The following ARHGAP15 variants were observed in gnomAD, a reference collection of about 807,000 sequenced individuals.
The protein encoded by ARHGAP15 is rho GTPase-activating protein 15.
Under a neutral mutation model 63.7 loss-of-function variants are expected in ARHGAP15, and 51 were observed. The ratio of observed to expected loss-of-function variants is 0.80; its 90% CI spans 0.64 to 1.01. The LOEUF (loss-of-function observed/expected upper bound fraction) is 1.01. ARHGAP15 is among the 50% of genes least tolerant of loss of function. The probability of loss-of-function intolerance (pLI) is 0.00; values close to 1 mark genes in which losing one functional copy is unlikely to be tolerated. For synonymous variants in ARHGAP15, 191 were observed against 193.8 expected, an observed-to-expected ratio of 0.99 and a Z score of 0.12; for missense variants, 560 against 564.6, an observed-to-expected ratio of 0.99 and a Z score of 0.08.
At chr2:143,245,835 G>A (rs757270649) in intron 5 of ARHGAP15, among the ~76,000 whole-genome samples, 1 of 152,158 alleles carries the variant, frequency 6.6e-6, no homozygotes, top group Non-Finnish European at 1.5e-5. Context: ...TGCCTTGTGA[G>A]TCCTTTTTGT....
At chr2:143,484,365 C>A (rs200609119) in intron 8 of ARHGAP15, among the ~76,000 whole-genome samples, 49 of 125,420 alleles carry the variant, frequency 3.9e-4, no homozygotes, top group South Asian at 5.4e-4. Flanking sequence ...GACTCCATCT[C>A]AAAAAAAAAA....
At chr2:143,197,682 A>G (rs1325057080) in intron 2 of ARHGAP15, among the ~76,000 whole-genome samples, 2 of 152,060 alleles carry the variant, frequency 1.3e-5, no homozygotes, top group African/African-American at 4.8e-5. Context: ...ACTGAGAACA[A>G]CATTAAAGCA....
chr2:143,466,949 CT>C (rs1317031807), intron 8 of ARHGAP15, among the ~76,000 whole-genome samples: 2 of 152,002 alleles, frequency 1.3e-5, no homozygotes, highest in African/African-American at 4.8e-5. Context: ...TATGGTTTTC[CT>C]TTTACTCTAA....
At chr2:143,416,592 T>G (rs1688688939) in intron 6 of ARHGAP15, among the ~76,000 whole-genome samples, 1 of 152,218 alleles carries the variant, frequency 6.6e-6, no homozygotes, top group South Asian at 2.1e-4. Flanking sequence ...GGTATCAAGC[T>G]GCTCCCACTG....
chr2:143,369,050 G>A (rs761923294), intron 6 of ARHGAP15, among the ~76,000 whole-genome samples: 1 of 151,976 alleles, frequency 6.6e-6, no homozygotes, highest in Non-Finnish European at 1.5e-5. Context: ...GTGCAGCAAG[G>A]GAGCCCAAAA....
At chr2:143,425,078 T>G (rs1191717027) in intron 6 of ARHGAP15, among the ~76,000 whole-genome samples, 1 of 152,166 alleles carries the variant, frequency 6.6e-6, no homozygotes, top group Non-Finnish European at 1.5e-5. Context: ...CTACTGATAG[T>G]GCTACCAATA....
intron 10 of ARHGAP15, among the ~76,000 whole-genome samples, chr2:143,540,797 G>T (rs950324050): frequency 6.6e-6 from 1 of 152,074 alleles, no homozygotes; most frequent in Admixed American, 6.6e-5. Context: ...TTTCTCTCTG[G>T]CTGCCCTTAA....
At chr2:143,587,854 C>T (rs1437152149) in intron 11 of ARHGAP15, 1 of 428,498 alleles carries the variant, frequency 2.3e-6, no homozygotes, top group African/African-American at 2.1e-5. Context: ...GATACAATCC[C>T]TAGTATTGAG....
chr2:143,155,756 G>A, intron 2 of ARHGAP15, 101 bp downstream of exon 2: 3 of 1,254,056 alleles, frequency 2.4e-6, no homozygotes, highest in Admixed American at 5.4e-5. Context: ...TTTTCCTAAT[G>A]TGCATGAGAA....
rs139676390 is a variant in ARHGAP15, at chr2:143,603,116, T to C, written c.1004-21017T>C. ...TGATTTTGCCTGCCTGGCTGCTATA[T>C]GTAGTCAATGGGACTCACGTGGATG... On this transcript the variant is annotated intron_variant, in intron 11 of 13. Coordinates refer to ENST00000295095, the MANE Select transcript of ARHGAP15 (RefSeq NM_018460.4). Among the ~76,000 whole-genome samples the C allele has an allele frequency of 3.0e-3, 459 of 152,322 alleles. 1 individual carries two copies. Among genetic ancestry groups the C allele is most frequent in the Middle Eastern group, 0.027 (8 of 294 alleles).
intron 6 of ARHGAP15, among the ~76,000 whole-genome samples, chr2:143,309,903 C>T (rs1158929569): frequency 1.3e-5 from 2 of 150,384 alleles, no homozygotes; most frequent in Non-Finnish European, 2.9e-5. Context: ...TGTATACACA[C>T]ATGATGATGA....
chr2:143,464,327 A>G (rs955729584), intron 8 of ARHGAP15, among the ~76,000 whole-genome samples: 2 of 152,196 alleles, frequency 1.3e-5, no homozygotes, highest in Non-Finnish European at 2.9e-5. Context: ...CTAGTAAAGT[A>G]GATATAACTT....
chr2:143,139,650 T>C (rs953417420), intron 1 of ARHGAP15, among the ~76,000 whole-genome samples: 1 of 152,124 alleles, frequency 6.6e-6, no homozygotes, highest in Non-Finnish European at 1.5e-5. Flanking sequence ...GAGCTTTTAG[T>C]AGACTTCGTA....
chr2:143,305,504 A>G (rs557567376), intron 6 of ARHGAP15: 32 of 152,150 alleles, frequency 2.1e-4, no homozygotes, highest in African/African-American at 6.7e-4. Flanking sequence ...AGCAATACTC[A>G]TCTAGTTTTA....
Position 143,228,616 on chromosome 2 carries a change from G to A in ARHGAP15, c.332G>A (p.Ser111Asn). 13 of 1,609,046 alleles carry A rather than the reference G, an allele frequency of 8.1e-6. No individual in the cohort carries two copies. The highest frequency in any genetic ancestry group is 1.1e-5 in the Non-Finnish European group (13 of 1,177,800). ...TCTACTTCCTGGATTGTTCTTTCTA[G>A]TCGAAGAATTGAATTTTACAAAGAA... Reference protein sequence around the residue: ...NWSTSWIVLSSRRIEFYKESK... With the variant: ...NWSTSWIVLSNRRIEFYKESK... Residue 111 changes from serine (S) to asparagine (N), a missense_variant, in exon 5 of 14, where the codon AGT becomes AAT. Coordinates refer to ENST00000295095, the MANE Select transcript of ARHGAP15 (RefSeq NM_018460.4).
intron 11 of ARHGAP15, among the ~76,000 whole-genome samples, chr2:143,586,572 G>A (rs1327133883): frequency 6.6e-6 from 1 of 151,806 alleles, no homozygotes; most frequent in Non-Finnish European, 1.5e-5. Context: ...CATTTATAGG[G>A]ATTTGTTAAT....
At chr2:143,276,065 G>C (rs35064003) in intron 6 of ARHGAP15, among the ~76,000 whole-genome samples, 1 of 152,130 alleles carries the variant, frequency 6.6e-6, no homozygotes, top group African/African-American at 2.4e-5. Flanking sequence ...AGCGAGAATC[G>C]TTCTTCCCAC....
chr2:143,409,539 G>GA (rs1041287314), intron 6 of ARHGAP15, among the ~76,000 whole-genome samples: 7 of 151,796 alleles, frequency 4.6e-5, no homozygotes, highest in Non-Finnish European at 4.4e-5. Flanking sequence ...TAAGCTCTCT[G>GA]AAAAAATGTT....
chr2:143,593,413 T>G (rs1404645113), intron 11 of ARHGAP15: 2 of 152,234 alleles, frequency 1.3e-5, no homozygotes, highest in African/African-American at 4.8e-5. Flanking sequence ...CACAAATGTT[T>G]TGAAGATTAA....
Sources: gnomAD v4.1 joint callset for allele counts (sites outside exome capture counted in the v4.1 genomes callset) on GRCh38, gnomAD v4.1.1 for gene constraint, MANE v1.5 for transcripts, NCBI Gene and HGNC (gene_info 2026-07-23, HGNC 2026-07-21) for gene names.